Variants in CDC42BPA observed in about 807,000 individuals in gnomAD.
CDC42BPA encodes serine/threonine-protein kinase MRCK alpha.
A neutral mutation model predicts 223.5 loss-of-function variants in CDC42BPA; 80 were observed. The observed-to-expected ratio is 0.36, with a 90% CI of 0.30 to 0.43. The LOEUF is 0.43. CDC42BPA is among the 20% of genes least tolerant of loss of function. The probability of loss-of-function intolerance (pLI) is 1.00; values close to 1 mark genes in which losing one functional copy is unlikely to be tolerated. For synonymous variants in CDC42BPA, 694 were observed against 718.6 expected, an observed-to-expected ratio of 0.97 and a Z score of 0.55; for missense variants, 1,743 against 2,099.9, an observed-to-expected ratio of 0.83 and a Z score of 3.32.
chr1:227,128,127 C>T (rs1037489171), intron 11 of CDC42BPA, among the ~76,000 whole-genome samples: 2 of 152,208 alleles, frequency 1.3e-5, no homozygotes, highest in Non-Finnish European at 2.9e-5. Flanking sequence ...ATTCTCCCTG[C>T]CTGCTCATTC....
At chr1:227,066,257 G>A (rs1469194445) in intron 21 of CDC42BPA, among the ~76,000 whole-genome samples, 1 of 152,052 alleles carries the variant, frequency 6.6e-6, no homozygotes, top group African/African-American at 2.4e-5. Context: ...GGCACGGGGG[G>A]CATGCACCTG....
At chr1:227,202,121 T>G (rs936841479) in intron 3 of CDC42BPA, among the ~76,000 whole-genome samples, 1 of 152,168 alleles carries the variant, frequency 6.6e-6, no homozygotes, top group Non-Finnish European at 1.5e-5. Flanking sequence ...TAGCTGGGAC[T>G]ACAGGTGAGT....
chr1:227,253,612 ATACATACATACATAC>A (rs1682520385), intron 2 of CDC42BPA, among the ~76,000 whole-genome samples: 1 of 114,302 alleles, frequency 8.7e-6, no homozygotes, highest in Non-Finnish European at 2.1e-5. Flanking sequence ...AAATAAATAC[ATACATACATACATAC>A]ATACATACAT....
chr1:227,083,215 T>C lies in CDC42BPA; in HGVS notation c.2356-2198A>G, dbSNP rs184026563. On this transcript the variant is annotated intron_variant, in intron 16 of 36. Coordinates refer to ENST00000366766, the MANE Select transcript of CDC42BPA (RefSeq NM_001394014.1). The stretch of plus-strand genomic sequence containing the variant: ...TTAGAACTTTTCATCACATCCTCTA[T>C]GTCTTAGATCCTCCTTTCTATATTT... 2.1e-3 allele frequency among the ~76,000 whole-genome samples: 326 copies of C among 152,306 alleles called. 2 individuals are homozygous for C. The highest frequency in any genetic ancestry group is 3.0e-3 in the Non-Finnish European group (206 of 68,012).
chr1:227,317,293 A>C lies in CDC42BPA; in HGVS notation c.-111T>G. ...TTTAAAAATAAACCACTTGTTATTCAAACAACTGTCATGCAATGCTGGTGC... is the reference window on the plus strand; with the variant it reads ...TTTAAAAATAAACCACTTGTTATTCCAACAACTGTCATGCAATGCTGGTGC... On this transcript the variant is annotated 5_prime_UTR_variant, in exon 1 of 37. An upstream open reading frame in the 5' UTR loses its in-frame stop. Coordinates refer to ENST00000366766, the MANE Select transcript of CDC42BPA (RefSeq NM_001394014.1). 8.7e-7 allele frequency: 1 copy of C among 1,154,502 alleles called. No homozygotes were observed. Among genetic ancestry groups the C allele is most frequent in the Non-Finnish European group, 1.2e-6 (1 of 821,246 alleles). 71.5% of individuals were successfully genotyped at this position (1,154,502 alleles called of 1,614,324 possible).
chr1:227,301,562 G>A (rs4653494), intron 1 of CDC42BPA, among the ~76,000 whole-genome samples: 14,801 of 152,028 alleles, frequency 0.097, 1,138 homozygotes, highest in East Asian at 0.35. Flanking sequence ...GTTTCACTAT[G>A]TTGGCTAGGA....
intron 16 of CDC42BPA, among the ~76,000 whole-genome samples, chr1:227,087,415 A>C (rs1682196578): frequency 6.6e-6 from 1 of 152,222 alleles, no homozygotes; most frequent in African/African-American, 2.4e-5. Flanking sequence ...CCAGTACTAC[A>C]TGTTTTTGAT....
Position 227,147,579 on chromosome 1 carries a change from TA to T in CDC42BPA, c.694-21del, listed in dbSNP as rs763905919. On this transcript the variant is annotated intron_variant, in intron 6 of 36. Transcript: ENST00000366766. ...CTGAACCTGAAGAAATTTACATTTT[TA>T]TTAATCTCCTATATTAGAAATAAAA... 2.1e-6 allele frequency: 3 copies of T among 1,395,668 alleles called. No homozygotes were observed. In the African/African-American group the frequency reaches 4.3e-5, roughly 20 times the overall value. 86.5% of individuals were successfully genotyped at this position (1,395,668 alleles called of 1,614,324 possible).
intron 21 of CDC42BPA, among the ~76,000 whole-genome samples, chr1:227,053,592 T>A (rs1272707027): frequency 6.6e-6 from 1 of 152,186 alleles, no homozygotes; most frequent in Non-Finnish European, 1.5e-5. Flanking sequence ...GCCAGGCCTG[T>A]ATCCCAACTC....
Position 227,279,767 on chromosome 1 carries a change from TG to T in CDC42BPA, c.179-25613del, listed in dbSNP as rs199587957. Among the ~76,000 whole-genome samples the T allele has an allele frequency of 4.5e-3, 679 of 152,162 alleles. 3 individuals are homozygous for T. The highest frequency in any genetic ancestry group is 0.015 in the African/African-American group (631 of 41,520). On this transcript the variant is annotated intron_variant, in intron 1 of 36. Coordinates refer to ENST00000366766, the MANE Select transcript of CDC42BPA (RefSeq NM_001394014.1). The stretch of plus-strand genomic sequence containing the variant: ...CACACACACACAAAATTTAACATAC[TG>T]TACTAAGGCCGGGAACGGTGGCTCA...
intron 1 of CDC42BPA, among the ~76,000 whole-genome samples, chr1:227,313,860 T>C (rs529683476): frequency 3.9e-5 from 6 of 152,132 alleles, no homozygotes; most frequent in Non-Finnish European, 7.4e-5. Flanking sequence ...ACAGACTATT[T>C]TCTATGTATA....
chr1:227,242,188 T>C (rs1410096532), intron 2 of CDC42BPA, among the ~76,000 whole-genome samples: 1 of 152,076 alleles, frequency 6.6e-6, no homozygotes, highest in Admixed American at 6.5e-5. Flanking sequence ...TCAAAACAGA[T>C]ATAGATGGAG....
chr1:227,034,894 T>A, intron 25 of CDC42BPA, 100 bp from the exon 26 acceptor site: 1 of 1,063,156 alleles, frequency 9.4e-7, no homozygotes, highest in Non-Finnish European at 1.3e-6. Context: ...ACAGATAATG[T>A]ACACGTTTTA....
intron 2 of CDC42BPA, among the ~76,000 whole-genome samples, chr1:227,226,967 TAG>T (rs1344981490): frequency 6.6e-6 from 1 of 152,018 alleles, no homozygotes; most frequent in African/African-American, 2.4e-5. Flanking sequence ...AGCAATTACA[TAG>T]AGAGTTAAAG....
At chr1:227,298,981 G>A (rs1393271056) in intron 1 of CDC42BPA, among the ~76,000 whole-genome samples, 1 of 152,168 alleles carries the variant, frequency 6.6e-6, no homozygotes, top group Non-Finnish European at 1.5e-5. Context: ...CAAATGGACA[G>A]CTGTAGAGTA....
At chr1:227,185,122 T>C (rs1485278048) in intron 5 of CDC42BPA, among the ~76,000 whole-genome samples, 2 of 151,574 alleles carry the variant, frequency 1.3e-5, no homozygotes, top group South Asian at 2.1e-4. Context: ...TTAATTAGCA[T>C]CTTTGGAAAT....
At chr1:227,135,423 T>C (rs939976837) in intron 10 of CDC42BPA, among the ~76,000 whole-genome samples, 1 of 151,972 alleles carries the variant, frequency 6.6e-6, no homozygotes, top group East Asian at 1.9e-4. Context: ...AATTTGGAAA[T>C]GGTATAGGGC....
rs1437681194 is a variant in CDC42BPA, at chr1:227,092,105, ATGT to A, written c.2250-117_2250-115del. 5.0e-6 allele frequency: 3 copies of A among 604,854 alleles called. No homozygotes were observed. In the African/African-American group the frequency reaches 5.6e-5, roughly 11 times the overall value. 37.5% of individuals were successfully genotyped at this position (604,854 alleles called of 1,614,324 possible). On this transcript the variant is annotated intron_variant, in intron 15 of 36. Transcript: ENST00000366766. ...CAAAATATCAGATTGAACTGCAGAA[ATGT>A]TGTCCCCATAGAATACAGCTTGTTT...
chr1:226,998,307 A>G (rs1159838122), intron 35 of CDC42BPA, among the ~76,000 whole-genome samples: 1 of 152,222 alleles, frequency 6.6e-6, no homozygotes, highest in Non-Finnish European at 1.5e-5. Flanking sequence ...TAAATTTCAT[A>G]TGGAACCAAA....
Sources: allele counts gnomAD v4.1 joint callset (sites outside exome capture counted in the v4.1 genomes callset), GRCh38; gene constraint gnomAD v4.1.1; transcripts MANE v1.5; gene names NCBI Gene and HGNC (gene_info 2026-07-23, HGNC 2026-07-21).